The following OPCML variants were observed in gnomAD, a reference collection of about 807,000 sequenced individuals.
OPCML encodes opioid binding protein/cell adhesion molecule like, also known as opioid-binding protein/cell adhesion molecule.
A neutral mutation model predicts 37.8 loss-of-function variants in OPCML; 13 were observed. That is an observed-to-expected ratio of 0.34 (90% CI 0.22 to 0.55). The LOEUF (loss-of-function observed/expected upper bound fraction) is 0.55. OPCML is among the 20% of genes least tolerant of loss of function. The pLI, the probability that OPCML is intolerant of heterozygous loss-of-function variation, is 0.91. For synonymous variants in OPCML, 176 were observed against 168.8 expected (o/e 1.04, Z -0.33); for missense variants, 341 against 435.6 (o/e 0.78, Z 1.93).
Position 133,385,494 on chromosome 11 carries a change from C to T in OPCML, c.61+146770G>A, listed in dbSNP as rs1945025622. ...ACAAGAGCTCAAGCCGAGAAAAACACTCCAGGGCCCCATTTTCCAGCCTGG... is the reference window on the plus strand; with the variant it reads ...ACAAGAGCTCAAGCCGAGAAAAACATTCCAGGGCCCCATTTTCCAGCCTGG... On this transcript the variant is annotated intron_variant, in intron 1 of 7. Coordinates refer to ENST00000524381, the MANE Select transcript of OPCML (RefSeq NM_001012393.5). Among the ~76,000 whole-genome samples, 3 of 152,172 alleles carry T rather than the reference C, an allele frequency of 2.0e-5. No individual in the cohort carries two copies. The South Asian group carries it at 6.2e-4, about 31-fold the overall frequency.
At chr11:133,369,845 G>C (rs934021665) in intron 1 of OPCML, among the ~76,000 whole-genome samples, 1 of 152,136 alleles carries the variant, frequency 6.6e-6, no homozygotes, top group Non-Finnish European at 1.5e-5. Context: ...TAGGTTGGCT[G>C]TTCCTTACTG....
At chr11:132,518,147 G>T (rs1228863968) in intron 4 of OPCML, among the ~76,000 whole-genome samples, 2 of 152,122 alleles carry the variant, frequency 1.3e-5, no homozygotes, top group African/African-American at 4.8e-5. Flanking sequence ...TGCCATAGTT[G>T]TTTGCTGCGC....
At chr11:133,099,434 C>A (rs1028506307) in intron 1 of OPCML, among the ~76,000 whole-genome samples, 4 of 119,056 alleles carry the variant, frequency 3.4e-5, no homozygotes, top group Admixed American at 9.9e-5. Flanking sequence ...GGCTAATTTT[C>A]TTTTTTTCTT....
intron 3 of OPCML, among the ~76,000 whole-genome samples, chr11:132,605,893 A>G (rs372555230): frequency 8.8e-4 from 134 of 152,330 alleles, no homozygotes; most frequent in African/African-American, 2.9e-3. Context: ...TGAGAAGAGC[A>G]AAGTCCATGG....
At chr11:132,725,255 C>A (rs1397320626) in intron 2 of OPCML, among the ~76,000 whole-genome samples, 1 of 152,222 alleles carries the variant, frequency 6.6e-6, no homozygotes, top group Admixed American at 6.5e-5. Flanking sequence ...CTGGCAGGCT[C>A]AACACCATGT....
chr11:132,888,036 G>A (rs1014703602), intron 2 of OPCML, among the ~76,000 whole-genome samples: 12 of 152,180 alleles, frequency 7.9e-5, no homozygotes, highest in Non-Finnish European at 1.5e-4. Flanking sequence ...GAGGCTTGGA[G>A]GGGCATGCGG....
intron 1 of OPCML, among the ~76,000 whole-genome samples, chr11:133,188,795 G>A (rs1487799444): frequency 8.5e-5 from 13 of 152,048 alleles, no homozygotes; most frequent in Admixed American, 1.3e-4. Flanking sequence ...AGGTTCTGTC[G>A]CATGTAGATC....
chr11:133,358,160 A>G (rs1944333782), intron 1 of OPCML, among the ~76,000 whole-genome samples: 1 of 152,222 alleles, frequency 6.6e-6, no homozygotes, highest in Admixed American at 6.5e-5. Context: ...GCAATGAATG[A>G]ACTGATGAAA....
chr11:133,428,243 G>A (rs376159187), intron 1 of OPCML, among the ~76,000 whole-genome samples: 10 of 152,236 alleles, frequency 6.6e-5, no homozygotes, highest in African/African-American at 2.2e-4. Context: ...AAAAAAGTGC[G>A]TTGTAAATCA....
chr11:132,874,745 C>G (rs980433967), intron 2 of OPCML, among the ~76,000 whole-genome samples: 1 of 152,096 alleles, frequency 6.6e-6, no homozygotes. Flanking sequence ...GCGGACTGCA[C>G]GGACGGTCTG....
intron 1 of OPCML, among the ~76,000 whole-genome samples, chr11:132,997,080 T>A (rs954358754): frequency 6.6e-6 from 1 of 152,124 alleles, no homozygotes; most frequent in African/African-American, 2.4e-5. Flanking sequence ...TAAAGGAGCC[T>A]TTTACCCCTC....
At chr11:132,465,854 C>A (rs189400666) in intron 4 of OPCML, among the ~76,000 whole-genome samples, 1 of 152,132 alleles carries the variant, frequency 6.6e-6, no homozygotes, top group African/African-American at 2.4e-5. Context: ...CTTCCAGATG[C>A]GTTTTAAAAA....
chr11:132,526,110 G>C (rs534029766), intron 4 of OPCML, among the ~76,000 whole-genome samples: 2 of 152,222 alleles, frequency 1.3e-5, no homozygotes, highest in South Asian at 2.1e-4. Flanking sequence ...GAATATGAAT[G>C]AATCTCCCTT....
chr11:133,398,269 C>T (rs1945329171), intron 1 of OPCML, among the ~76,000 whole-genome samples: 1 of 152,216 alleles, frequency 6.6e-6, no homozygotes, highest in African/African-American at 2.4e-5. Flanking sequence ...TGGAGTCTCT[C>T]AGCTGTCCTG....
chr11:133,410,354 G>C (rs1945619523), intron 1 of OPCML, among the ~76,000 whole-genome samples: 1 of 152,048 alleles, frequency 6.6e-6, no homozygotes, highest in Non-Finnish European at 1.5e-5. Context: ...ATAAGGTCTT[G>C]GTACACTTAT....
chr11:133,445,642 C>A (rs1425098818), intron 1 of OPCML, among the ~76,000 whole-genome samples: 1 of 152,114 alleles, frequency 6.6e-6, no homozygotes, highest in Non-Finnish European at 1.5e-5. Context: ...TCAGTTGGAT[C>A]CAACTTAGGA....
intron 2 of OPCML, among the ~76,000 whole-genome samples, chr11:132,929,007 A>G (rs542457922): frequency 1.1e-4 from 16 of 152,042 alleles, no homozygotes; most frequent in Non-Finnish European, 2.1e-4. Context: ...AAAAAAGAAA[A>G]AAAAACACTC....
intron 1 of OPCML, among the ~76,000 whole-genome samples, chr11:133,474,298 A>T (rs901160020): frequency 6.6e-6 from 1 of 152,092 alleles, no homozygotes; most frequent in African/African-American, 2.4e-5. Flanking sequence ...AAGTAGATGG[A>T]CTCTTTGTAA....
intron 1 of OPCML, among the ~76,000 whole-genome samples, chr11:133,386,196 G>T (rs1015369759): frequency 1.3e-5 from 2 of 152,104 alleles, no homozygotes; most frequent in African/African-American, 2.4e-5. Context: ...ATTCCTAAAG[G>T]CCAACCCAGT....
Sources: gnomAD v4.1 joint callset for allele counts (sites outside exome capture counted in the v4.1 genomes callset) on GRCh38, gnomAD v4.1.1 for gene constraint, MANE v1.5 for transcripts, NCBI Gene and HGNC (gene_info 2026-07-23, HGNC 2026-07-21) for gene names.